PACRGL: variants seen among roughly 807,000 people sequenced by gnomAD.
The protein encoded by PACRGL is PACRG-like protein.
PACRGL carries 38 observed loss-of-function variants against 34.5 expected under a neutral mutation model. That is an observed-to-expected ratio of 1.10 (90% CI 0.85 to 1.44). The LOEUF is 1.44. Among genes scored for constraint, PACRGL ranks in the 40% most tolerant of loss-of-function variants. The pLI, the probability that PACRGL is intolerant of heterozygous loss-of-function variation, is 0.00. For missense variants in PACRGL, 305 were observed against 281.4 expected (o/e 1.08, Z -0.60); for synonymous variants, 128 against 100.1 (o/e 1.28, Z -1.66).
rs1299372951 is a variant in PACRGL, at chr4:20,728,828, C to CTGTAGCCTCTTGGTCT, written c.*1489_*1504dup. ...AAAGACAGTTGCAAATTTCCTCCTT[C>CTGTAGCCTCTTGGTCT]TGTAGCCTCTTGGTCTTTGTGATAT... On this transcript the variant is annotated 3_prime_UTR_variant, in exon 9 of 9. Coordinates refer to ENST00000503585, the MANE Select transcript of PACRGL (RefSeq NM_001258345.3). 6.6e-6 allele frequency: 1 copy of CTGTAGCCTCTTGGTCT among 152,522 alleles called. No individual in the cohort carries two copies. The highest frequency in any genetic ancestry group is 2.4e-5 in the African/African-American group (1 of 41,438). 9.4% of individuals were successfully genotyped at this position (152,522 alleles called of 1,614,324 possible). A position where few individuals can be genotyped will look rare whatever the true frequency, so the allele number is the denominator to read the frequency against.
chr4:20,731,893 A>AAACTT lies in PACRGL; in HGVS notation c.*4554_*4558dup. 10 of 1,486,730 alleles carry AAACTT rather than the reference A, an allele frequency of 6.7e-6. No homozygotes were observed. Among genetic ancestry groups the AAACTT allele is most frequent in the Non-Finnish European group, 8.9e-6 (10 of 1,117,560 alleles). 92.1% of individuals were successfully genotyped at this position (1,486,730 alleles called of 1,614,324 possible). On this transcript the variant is annotated 3_prime_UTR_variant, in exon 9 of 9. Coordinates refer to ENST00000503585, the MANE Select transcript of PACRGL (RefSeq NM_001258345.3). The stretch of plus-strand genomic sequence containing the variant: ...TTATGCTGCATGTTGTAGAAGTGGT[A>AAACTT]AACTTAGGCATATGATCTCTATATT...
At chr4:20,745,071 G>A (rs1752121253) in intron 8 of PACRGL, among the ~76,000 whole-genome samples, 1 of 152,182 alleles carries the variant, frequency 6.6e-6, no homozygotes. Flanking sequence ...ACAGAGATGT[G>A]CTTCTTTCCT....
chr4:20,711,382 T>C (rs1313598342), intron 5 of PACRGL, among the ~76,000 whole-genome samples: 1 of 152,174 alleles, frequency 6.6e-6, no homozygotes, highest in East Asian at 1.9e-4. Flanking sequence ...AACAGATAAG[T>C]AGTGACAGAA....
chr4:20,712,932 T>G lies in PACRGL; in HGVS notation c.501+10T>G. On this transcript the variant is annotated intron_variant, in intron 6 of 8. Transcript: ENST00000503585. The stretch of plus-strand genomic sequence containing the variant: ...GCTAAAGGCAGCTCTGGTATGTCAT[T>G]TATTTCATTGTACTTTATATTTGAA... 1 of 1,533,732 alleles carries G rather than the reference T, an allele frequency of 6.5e-7. No individual in the cohort carries two copies. Among genetic ancestry groups the G allele is most frequent in the Non-Finnish European group, 8.8e-7 (1 of 1,136,576 alleles).
chr4:20,702,425 CAT>C (rs959899575), intron 1 of PACRGL, among the ~76,000 whole-genome samples: 2 of 152,134 alleles, frequency 1.3e-5, no homozygotes, highest in South Asian at 2.1e-4. Flanking sequence ...AATGACAAAA[CAT>C]GTGGTTTCAC....
chr4:20,697,436 C>T (rs562564678), upstream of PACRGL, among the ~76,000 whole-genome samples: 38 of 151,986 alleles, frequency 2.5e-4, no homozygotes, highest in Non-Finnish European at 4.6e-4. Context: ...AAAAAATCGT[C>T]CTGAGTGGTT....
At chr4:20,711,131 T>A (rs1736977265) in intron 5 of PACRGL, among the ~76,000 whole-genome samples, 1 of 151,710 alleles carries the variant, frequency 6.6e-6, no homozygotes, top group South Asian at 2.1e-4. Flanking sequence ...TTTTTAAACC[T>A]TAAGCCTTTT....
the PACRGL span, among the ~76,000 whole-genome samples, chr4:20,759,906 G>A: frequency 1.3e-5 from 2 of 152,178 alleles, no homozygotes; most frequent in Non-Finnish European, 2.9e-5. Flanking sequence ...TTGCTTCCAG[G>A]ACCACCGCGG....
chr4:20,729,457 T>C lies in PACRGL; in HGVS notation c.*2116T>C, dbSNP rs1368445467. The C allele has an allele frequency of 2.0e-5, 3 of 151,940 alleles. No homozygotes were observed. The South Asian group carries it at 6.2e-4, about 32-fold the overall frequency. 9.4% of individuals were successfully genotyped at this position (151,940 alleles called of 1,614,324 possible). On this transcript the variant is annotated 3_prime_UTR_variant, in exon 9 of 9. Coordinates refer to ENST00000503585, the MANE Select transcript of PACRGL (RefSeq NM_001258345.3). Reference sequence around the variant, plus strand: ...ATAAGTTTTATTAGGCATATGCTGATATCTGATAATAAACTAATTTTTAAA... The same window carrying C: ...ATAAGTTTTATTAGGCATATGCTGACATCTGATAATAAACTAATTTTTAAA...
intron 7 of PACRGL, among the ~76,000 whole-genome samples, chr4:20,717,510 A>G (rs1740707009): frequency 6.6e-6 from 1 of 152,178 alleles, no homozygotes. Context: ...TAATTTTTGT[A>G]TAAAGTGTAA....
At chr4:20,723,655 T>A (rs1385355114) in intron 7 of PACRGL, among the ~76,000 whole-genome samples, 1 of 152,138 alleles carries the variant, frequency 6.6e-6, no homozygotes, top group African/African-American at 2.4e-5. Context: ...TACATTTGTT[T>A]TGTTTTCTAA....
At position 20,732,107 on chromosome 4, in the gene PACRGL, C is replaced by A. The variant is rs766441686; in HGVS notation, c.*4766C>A. 6 of 1,365,612 alleles carry A rather than the reference C, an allele frequency of 4.4e-6. No homozygotes were observed. The South Asian group carries it at 7.0e-5, about 16-fold the overall frequency. The allele number at this position is 1,365,612 out of a possible 1,614,324, so 84.6% of individuals were successfully genotyped here. On this transcript the variant is annotated 3_prime_UTR_variant, in exon 9 of 9. Coordinates refer to ENST00000503585, the MANE Select transcript of PACRGL (RefSeq NM_001258345.3). ...AAACAAAAATTGTATTTAGACTTAT[C>A]CCTTAATACCCTCACACCTGGACCA...
In PACRGL at chr4:20,730,572, C is replaced by T. The variant is rs769823751; in HGVS notation, c.*3231C>T. Among the ~76,000 whole-genome samples the T allele has an allele frequency of 1.7e-4, 25 of 151,452 alleles. No homozygotes were observed. Among genetic ancestry groups the T allele is most frequent in the African/African-American group, 2.0e-4 (8 of 40,830 alleles). ...GCAGTTCATGAAGATTGGAGGCTGGCGCATAGGAGGCAGGGTGGTGGATTA... is the reference window on the plus strand; with the variant it reads ...GCAGTTCATGAAGATTGGAGGCTGGTGCATAGGAGGCAGGGTGGTGGATTA... On this transcript the variant is annotated 3_prime_UTR_variant, in exon 9 of 9. Coordinates refer to ENST00000503585, the MANE Select transcript of PACRGL (RefSeq NM_001258345.3).
chr4:20,707,509 C>A (rs1290613270), intron 3 of PACRGL, among the ~76,000 whole-genome samples: 2 of 152,240 alleles, frequency 1.3e-5, no homozygotes, highest in Admixed American at 6.5e-5. Context: ...AACACCCCTT[C>A]TCCATAGAGT....
At chr4:20,716,346 T>A (rs1739990562) in intron 7 of PACRGL, 1 of 585,276 alleles carries the variant, frequency 1.7e-6, no homozygotes, top group Admixed American at 3.3e-5. Flanking sequence ...TTTTTTTTGT[T>A]TGTTTGTTTG....
chr4:20,735,022 G>C (rs893263861), downstream of PACRGL, among the ~76,000 whole-genome samples: 47 of 152,140 alleles, frequency 3.1e-4, no homozygotes, highest in Admixed American at 1.3e-4. Context: ...AGTGGTATTG[G>C]CTTTCCACTG....
intron 8 of PACRGL, among the ~76,000 whole-genome samples, chr4:20,751,538 GA>G (rs34470537): frequency 0.12 from 18,365 of 147,434 alleles, 1,276 homozygotes; most frequent in South Asian, 0.2. Flanking sequence ...TTCAGAGGAG[GA>G]AAAAAAAAAG....
At chr4:20,708,219 A>G (rs1735458558) in intron 4 of PACRGL, among the ~76,000 whole-genome samples, 1 of 152,114 alleles carries the variant, frequency 6.6e-6, no homozygotes, top group Non-Finnish European at 1.5e-5. Context: ...ATTTAATGAA[A>G]TTGTTTATAT....
At chr4:20,722,642 A>G (rs950168128) in intron 7 of PACRGL, among the ~76,000 whole-genome samples, 9 of 152,182 alleles carry the variant, frequency 5.9e-5, no homozygotes, top group Non-Finnish European at 8.8e-5. Context: ...CACCCTCTCT[A>G]GAAATCGAGC....
Sources: allele counts gnomAD v4.1 joint callset (sites outside exome capture counted in the v4.1 genomes callset), GRCh38; gene constraint gnomAD v4.1.1; transcripts MANE v1.5; gene names NCBI Gene and HGNC (gene_info 2026-07-23, HGNC 2026-07-21).